The following CSF2RA variants were observed in gnomAD, a reference collection of about 807,000 sequenced individuals.
CSF2RA encodes colony stimulating factor 2 receptor subunit alpha.
In CSF2RA, 42 loss-of-function variants were observed where a neutral mutation model predicts 51.6. The ratio of observed to expected loss-of-function variants is 0.81; its 90% CI spans 0.64 to 1.05. The LOEUF (loss-of-function observed/expected upper bound fraction) is 1.05, where lower values mean the gene tolerates loss of function less well. Among genes scored for constraint, CSF2RA ranks in the 50% least tolerant of loss-of-function variants. The pLI, the probability that CSF2RA is intolerant of heterozygous loss-of-function variation, is 0.00. For synonymous variants in CSF2RA, 222 were observed against 193.0 expected, an observed-to-expected ratio of 1.15 and a Z score of -1.24; for missense variants, 530 against 501.1, an observed-to-expected ratio of 1.06 and a Z score of -0.55.
At chrX:1,321,906 G>A in the CSF2RA span, among the ~76,000 whole-genome samples, 4 of 152,088 alleles carry the variant, frequency 2.6e-5, no homozygotes, top group East Asian at 7.7e-4. Flanking sequence ...CGAGGTGTGG[G>A]TGGATCGCAT....
chrX:1,277,478 C>T (rs1331449152), intron 2 of CSF2RA, among the ~76,000 whole-genome samples: 1 of 149,260 alleles, frequency 6.7e-6, no homozygotes, highest in Non-Finnish European at 1.5e-5. Context: ...TGCCTGTAGT[C>T]CCAGCTACTC....
chrX:1,320,046 C>T, the CSF2RA span, among the ~76,000 whole-genome samples: 1 of 151,998 alleles, frequency 6.6e-6, no homozygotes, highest in East Asian at 1.9e-4. Flanking sequence ...CAGGTGCCCG[C>T]CACCACGCCT....
chrX:1,294,348 A>C lies in CSF2RA; in HGVS notation c.667A>C (p.Asn223His), dbSNP rs2091710419. The C allele has an allele frequency of 6.2e-7, 1 of 1,613,642 alleles. No homozygotes were observed. The highest frequency in any genetic ancestry group is 2.2e-5 in the East Asian group (1 of 44,850). The part of the protein sequence containing the change: ...KKIERFNPPS[N>H]VTVRCNTTHC... Reference sequence around the variant, plus strand: ...TACAGAACGATTCAACCCTCCCAGCAATGTCACCGTACGTTGCAACACGAC... The same window carrying C: ...TACAGAACGATTCAACCCTCCCAGCCATGTCACCGTACGTTGCAACACGAC... Residue 223 changes from asparagine (N) to histidine (H), a missense_variant, in exon 8 of 13, where the codon AAT becomes CAT. Transcript: ENST00000381529.
chrX:1,280,577 A>G (rs2089780696), intron 2 of CSF2RA, among the ~76,000 whole-genome samples: 1 of 152,048 alleles, frequency 6.6e-6, no homozygotes, highest in South Asian at 2.1e-4. Context: ...ATGAATTTAA[A>G]CATTTTCTGG....
At chrX:1,316,736 G>A in the CSF2RA span, among the ~76,000 whole-genome samples, 2 of 152,274 alleles carry the variant, frequency 1.3e-5, no homozygotes, top group African/African-American at 2.4e-5. Flanking sequence ...TCCTACATCC[G>A]TGCCTGCGTC....
Position 1,285,860 on chromosome X carries a change from A to C in CSF2RA, c.159A>C (p.Glu53Asp). The change falls in exon 4 of 13, where the codon GAA becomes GAC. Residue 53 changes from glutamate to aspartate, a missense_variant. By Grantham distance (45) the Glu-to-Asp change is conservative. Coordinates refer to ENST00000381529, the MANE Select transcript of CSF2RA (RefSeq NM_172245.4). ...TGAATTTAAGCTGGGACTGCCAAGAAAACACAACCTTCAGCAAGTGTTTCT... is the reference window on the plus strand; with the variant it reads ...TGAATTTAAGCTGGGACTGCCAAGACAACACAACCTTCAGCAAGTGTTTCT... ...RTMNLSWDCQ[E>D]NTTFSKCFLT... 6.2e-7 allele frequency: 1 copy of C among 1,613,968 alleles called. No individual in the cohort carries two copies. Among genetic ancestry groups the C allele is most frequent in the Non-Finnish European group, 8.5e-7 (1 of 1,179,860 alleles).
the CSF2RA span, among the ~76,000 whole-genome samples, chrX:1,315,994 G>GATGATT: frequency 8.3e-6 from 1 of 120,442 alleles, no homozygotes. Context: ...GATGATAGAT[G>GATGATT]GATAGACAGA....
intron 7 of CSF2RA, among the ~76,000 whole-genome samples, chrX:1,292,033 T>C (rs1427811561): frequency 6.8e-6 from 1 of 147,102 alleles, no homozygotes; most frequent in Non-Finnish European, 1.5e-5. Context: ...CTGGACACAG[T>C]GTAGACAGGA....
chrX:1,272,163 A>G (rs1170305397), intron 1 of CSF2RA, among the ~76,000 whole-genome samples: 3 of 151,944 alleles, frequency 2.0e-5, no homozygotes, highest in African/African-American at 4.8e-5. Flanking sequence ...CATATTGGTC[A>G]GGCTGGTCTC....
chrX:1,299,086 C>T (rs185937838), intron 9 of CSF2RA, among the ~76,000 whole-genome samples: 3 of 152,300 alleles, frequency 2.0e-5, no homozygotes, highest in Non-Finnish European at 4.4e-5. Context: ...CCTCATAGTT[C>T]TCACTGGGCA....
chrX:1,309,041 CAACATGGTAA>C (rs1318766560), intron 12 of CSF2RA, among the ~76,000 whole-genome samples: 24 of 152,024 alleles, frequency 1.6e-4, no homozygotes, highest in Non-Finnish European at 3.4e-4. Context: ...CCAGCCTGGC[CAACATGGTAA>C]AACCCCATCT....
rs763308423 is a variant in CSF2RA at position 1,303,922 on chromosome X, G to C, written c.947-1G>C. 1 of 1,613,288 alleles carries C rather than the reference G, an allele frequency of 6.2e-7. No homozygotes were observed. Among genetic ancestry groups the C allele is most frequent in the Non-Finnish European group, 8.5e-7 (1 of 1,179,436 alleles). ...AGACGCAAACCTGTGTGTCTCTCCAGGTTCTGACGACGGGAACCTCGGCTC... is the reference window on the plus strand; with the variant it reads ...AGACGCAAACCTGTGTGTCTCTCCACGTTCTGACGACGGGAACCTCGGCTC... On this transcript the variant is annotated splice_acceptor_variant, in intron 10 of 12. Coordinates refer to ENST00000381529, the MANE Select transcript of CSF2RA (RefSeq NM_172245.4). LOFTEE classifies it high-confidence loss of function.
chrX:1,318,068 A>G, the CSF2RA span, among the ~76,000 whole-genome samples: 1 of 149,052 alleles, frequency 6.7e-6, no homozygotes, highest in Non-Finnish European at 1.5e-5. Flanking sequence ...GGCTCACTGC[A>G]ACCTCCACTT....
chrX:1,314,273 G>C (rs1415625001), downstream of CSF2RA, among the ~76,000 whole-genome samples: 3 of 81,184 alleles, frequency 3.7e-5, no homozygotes, highest in South Asian at 3.9e-4. Flanking sequence ...CACTGCGCCT[G>C]CCCAACCCCA....
downstream of CSF2RA, among the ~76,000 whole-genome samples, chrX:1,312,356 T>A (rs1245413057): frequency 1.3e-5 from 2 of 152,170 alleles, no homozygotes; most frequent in Admixed American, 1.3e-4. Context: ...CTGTAATGTG[T>A]CCACAGCATG....
chrX:1,322,459 T>C, the CSF2RA span, among the ~76,000 whole-genome samples: 2,656 of 146,514 alleles, frequency 0.018, 76 homozygotes, highest in African/African-American at 0.063. Context: ...TTTTTTTTTT[T>C]GAAAGGTAGC....
chrX:1,273,864 C>G (rs1452592855), intron 1 of CSF2RA, among the ~76,000 whole-genome samples: 6 of 151,468 alleles, frequency 4.0e-5, no homozygotes, highest in Admixed American at 6.6e-5. Flanking sequence ...TCCCGAAGTG[C>G]TGGGATGACA....
chrX:1,269,343 G>A (rs2088028738), intron 1 of CSF2RA, among the ~76,000 whole-genome samples: 2 of 152,132 alleles, frequency 1.3e-5, no homozygotes, highest in Admixed American at 6.6e-5. Context: ...GAACGCGGCC[G>A]GGCGTGGTGG....
chrX:1,289,899 GTGTTTTTGTGTTTTGTTTTTGTGTTT>G (rs1207318044), intron 6 of CSF2RA, among the ~76,000 whole-genome samples: 7,991 of 72,856 alleles, frequency 0.11, 620 homozygotes, highest in Middle Eastern at 0.23. Flanking sequence ...GTTTTGTTTT[GTGTTTTTGTGTTTTGTTTTTGTGTTT>G]TGTTTTGTTT....
Sources: allele counts gnomAD v4.1 joint callset (sites outside exome capture counted in the v4.1 genomes callset), GRCh38; gene constraint gnomAD v4.1.1; transcripts MANE v1.5; gene names NCBI Gene and HGNC (gene_info 2026-07-23, HGNC 2026-07-21).